Variants in ETF1 observed in about 807,000 individuals in gnomAD.
ETF1 encodes eukaryotic peptide chain release factor subunit 1.
Under a neutral mutation model 55.1 loss-of-function variants are expected in ETF1, and 4 were observed. The observed-to-expected ratio is 0.07, with a 90% CI of 0.04 to 0.17. The LOEUF (loss-of-function observed/expected upper bound fraction) is 0.17. ETF1 is among the 10% of genes least tolerant of loss of function. The pLI is 1.00. For synonymous variants in ETF1, 157 were observed against 182.3 expected, an observed-to-expected ratio of 0.86 and a Z score of 1.12; for missense variants, 142 against 523.6, an observed-to-expected ratio of 0.27 and a Z score of 7.11.
chr5:138,542,695 G>A, intron 2 of ETF1, 138 bp downstream of exon 2: 1 of 1,487,766 alleles, frequency 6.7e-7, no homozygotes, highest in Non-Finnish European at 8.9e-7. Flanking sequence ...CCTGGGTCAG[G>A]GGCTACTACC....
At chr5:138,537,357 A>G (rs1467043218) in intron 2 of ETF1, among the ~76,000 whole-genome samples, 2 of 152,202 alleles carry the variant, frequency 1.3e-5, no homozygotes, top group Admixed American at 6.5e-5. Flanking sequence ...AAGAGCTAAC[A>G]TTACAGAGCA....
At chr5:138,508,432 G>A in intron 10 of ETF1, 45 bp from the exon 11 acceptor site, 1 of 1,610,104 alleles carries the variant, frequency 6.2e-7, no homozygotes, top group Non-Finnish European at 8.5e-7. Context: ...TTCATGGGAT[G>A]GGCATGTGTG....
At chr5:138,542,519 C>CCGAGTCGGG in intron 2 of ETF1, 2 of 859,798 alleles carry the variant, frequency 2.3e-6, no homozygotes, top group Non-Finnish European at 3.2e-6. Context: ...GTGGCAGCAC[C>CCGAGTCGGG]TGGAGCCCGA....
chr5:138,513,897 A>G (rs577997616), intron 4 of ETF1, 191 bp from the exon 5 acceptor site: 28 of 826,340 alleles, frequency 3.4e-5, no homozygotes, highest in Non-Finnish European at 2.0e-5. Flanking sequence ...TTTGAACCCA[A>G]TAAGGAAATA....
At chr5:138,510,357 C>CAAAAAAAAAAAAAAAAAAAAAAAAAAA (rs57906231) in intron 9 of ETF1, among the ~76,000 whole-genome samples, 1 of 64,782 alleles carries the variant, frequency 1.5e-5, no homozygotes, top group African/African-American at 6.0e-5. Flanking sequence ...GACCTTGTCT[C>CAAAAAAAAAAAAAAAAAAAAAAAAAAA]AAAAAAAAAA....
At chr5:138,540,605 T>C in intron 2 of ETF1, among the ~76,000 whole-genome samples, 1 of 152,176 alleles carries the variant, frequency 6.6e-6, no homozygotes, top group East Asian at 1.9e-4. Context: ...TAAATTTCCA[T>C]GGGATCAAGA....
intron 5 of ETF1, 38 bp from the exon 6 acceptor site, chr5:138,512,992 T>C (rs1333626716): frequency 6.7e-7 from 1 of 1,485,896 alleles, no homozygotes; most frequent in East Asian, 2.6e-5. Flanking sequence ...AGGCAATTAT[T>C]AAGAACTACA....
At chr5:138,512,225 A>AAAAAAAAAAAAAATATATAT (rs1764823149) in intron 6 of ETF1, among the ~76,000 whole-genome samples, 1 of 44,126 alleles carries the variant, frequency 2.3e-5, no homozygotes, top group African/African-American at 1.3e-4. Flanking sequence ...AAAAAAAAAA[A>AAAAAAAAAAAAAATATATAT]ATATATATAT....
At position 138,506,554 on chromosome 5, in the gene ETF1, A is replaced by G. The variant is rs530987840; in HGVS notation, c.*1751T>C. Reference sequence around the variant, plus strand: ...CTCGCTCTTGGGTGTTCTGCAAACAAATAGCAGAGCCCAAAGCAAAAAAGC... The same window carrying G: ...CTCGCTCTTGGGTGTTCTGCAAACAGATAGCAGAGCCCAAAGCAAAAAAGC... On this transcript the variant is annotated 3_prime_UTR_variant, in exon 11 of 11. Coordinates refer to ENST00000360541, the MANE Select transcript of ETF1 (RefSeq NM_004730.4). 5.8e-4 allele frequency: 89 copies of G among 152,800 alleles called. No homozygotes were observed. The highest frequency in any genetic ancestry group is 8.2e-4 in the Non-Finnish European group (56 of 68,030). 9.5% of individuals were successfully genotyped at this position (152,800 alleles called of 1,614,324 possible).
Position 138,508,092 on chromosome 5 carries a change from T to C in ETF1, c.*213A>G. 5 of 472,946 alleles carry C rather than the reference T, an allele frequency of 1.1e-5. No homozygotes were observed. Among genetic ancestry groups the C allele is most frequent in the Admixed American group, 3.9e-5 (1 of 25,800 alleles). 29.3% of individuals were successfully genotyped at this position (472,946 alleles called of 1,614,324 possible). A position where few individuals can be genotyped will look rare whatever the true frequency, so the allele number is the denominator to read the frequency against. ...TCCAAAGTGGCGTTTAGGAACTTAG[T>C]TGTAGGCTGCTGCGCTGACACCATG... On this transcript the variant is annotated 3_prime_UTR_variant, in exon 11 of 11. Transcript: ENST00000360541.
chr5:138,513,516 T>C lies in ETF1; in HGVS notation c.541+52A>G, dbSNP rs537024561. The C allele has an allele frequency of 8.8e-6, 13 of 1,481,730 alleles. No homozygotes were observed. In the East Asian group the frequency reaches 2.8e-4, roughly 31 times the overall value. The allele number at this position is 1,481,730 out of a possible 1,614,324, so 91.8% of individuals were successfully genotyped here. A position where few individuals can be genotyped will look rare whatever the true frequency, so the allele number is the denominator to read the frequency against. On this transcript the variant is annotated intron_variant, in intron 5 of 10. Transcript: ENST00000360541. ...ACCGCACCCGGCCCACCATACTGTT[T>C]TCTTATTGCTAGACACAAAGTAAGT...
rs1249035610 is a variant in ETF1, at chr5:138,512,849, C to G, written c.647G>C (p.Gly216Ala). ...TAGACCAGCCACATTCACTTTGTCC[C>G]CAGAAATAAACAGCTGCACAGCAGT... ...AETAVQLFIS[G>A]DKVNVAGLVL... Residue 216 changes from glycine (G) to alanine (A), a missense_variant, in exon 6 of 11, where the codon GGG becomes GCG. Coordinates refer to ENST00000360541, the MANE Select transcript of ETF1 (RefSeq NM_004730.4). 6.3e-7 allele frequency: 1 copy of G among 1,598,454 alleles called. No homozygotes were observed. The highest frequency in any genetic ancestry group is 8.5e-7 in the Non-Finnish European group (1 of 1,174,650).
At chr5:138,534,983 T>C (rs1332850988) in intron 2 of ETF1, among the ~76,000 whole-genome samples, 1 of 132,328 alleles carries the variant, frequency 7.6e-6, no homozygotes, top group African/African-American at 3.0e-5. Context: ...TTTTTTTTTT[T>C]GAGACAGAGT....
At chr5:138,515,909 T>TC (rs1359280151) in intron 4 of ETF1, among the ~76,000 whole-genome samples, 1 of 152,170 alleles carries the variant, frequency 6.6e-6, no homozygotes, top group Non-Finnish European at 1.5e-5. Flanking sequence ...TAAATGGACT[T>TC]CCCATCAAGT....
chr5:138,510,352 T>C (rs555860480), intron 9 of ETF1, among the ~76,000 whole-genome samples: 2 of 61,308 alleles, frequency 3.3e-5, no homozygotes, highest in South Asian at 1.7e-3. Context: ...AGCAAGACCT[T>C]GTCTCAAAAA....
intron 2 of ETF1, among the ~76,000 whole-genome samples, chr5:138,538,556 T>C (rs1013047472): frequency 2.0e-5 from 3 of 151,924 alleles, no homozygotes; most frequent in Admixed American, 1.3e-4. Flanking sequence ...AGAGCCAGAA[T>C]AGAGGACAAA....
At position 138,517,710 on chromosome 5, in the gene ETF1, A is replaced by G; in HGVS notation, c.263-10T>C. The G allele has an allele frequency of 6.9e-7, 1 of 1,446,362 alleles. No homozygotes were observed. Among genetic ancestry groups the G allele is most frequent in the Non-Finnish European group, 9.2e-7 (1 of 1,081,242 alleles). The allele number at this position is 1,446,362 out of a possible 1,614,324, so 89.6% of individuals were successfully genotyped here. ...AGACCATTTGGAGGTACTGCAAAGA[A>G]CACAAACAATTTTTCTACTTTACCC... On this transcript the variant is annotated splice_polypyrimidine_tract_variant and intron_variant, in intron 3 of 10. Coordinates refer to ENST00000360541, the MANE Select transcript of ETF1 (RefSeq NM_004730.4).
chr5:138,530,384 T>C (rs1461562268), intron 2 of ETF1, among the ~76,000 whole-genome samples: 1 of 152,096 alleles, frequency 6.6e-6, no homozygotes, highest in Non-Finnish European at 1.5e-5. Flanking sequence ...ATTCAAGTGA[T>C]TCTTCTGCCT....
chr5:138,542,500 C>T, intron 2 of ETF1: 1 of 592,226 alleles, frequency 1.7e-6, no homozygotes, highest in Non-Finnish European at 2.6e-6. Flanking sequence ...ACAATAGCAC[C>T]CGAGTCGGGT....
Sources: gnomAD v4.1 joint callset for allele counts (sites outside exome capture counted in the v4.1 genomes callset) on GRCh38, gnomAD v4.1.1 for gene constraint, MANE v1.5 for transcripts, NCBI Gene and HGNC (gene_info 2026-07-23, HGNC 2026-07-21) for gene names.